The following KCTD10 variants were observed in gnomAD, a reference collection of about 807,000 sequenced individuals.
KCTD10 encodes BTB/POZ domain-containing adapter for CUL3-mediated RhoA degradation protein 3.
A neutral mutation model predicts 34.6 loss-of-function variants in KCTD10; 13 were observed. The ratio of observed to expected loss-of-function variants is 0.38; its 90% CI spans 0.24 to 0.60. KCTD10 has a LOEUF of 0.60. Among genes scored for constraint, KCTD10 ranks in the 20% least tolerant of loss-of-function variants. The pLI is 0.66. For missense variants in KCTD10, 256 were observed against 420.3 expected (o/e 0.61, Z 3.42); for synonymous variants, 156 against 168.8 (o/e 0.92, Z 0.59).
At chr12:109,459,815 G>A (rs2135654217) in intron 3 of KCTD10, among the ~76,000 whole-genome samples, 1 of 152,378 alleles carries the variant, frequency 6.6e-6, no homozygotes, top group African/African-American at 2.4e-5. Context: ...AGAATTCACA[G>A]AGGTTACTGC....
At chr12:109,455,489 T>C (rs898436395) in intron 6 of KCTD10, 1 of 152,510 alleles carries the variant, frequency 6.6e-6, no homozygotes, top group African/African-American at 2.4e-5. Context: ...TGCAGAACTG[T>C]GGCCCCAAAA....
At position 109,460,496 on chromosome 12, in the gene KCTD10, C is replaced by T. The variant is rs114195395; in HGVS notation, c.387+140G>A. On this transcript the variant is annotated intron_variant, in intron 3 of 6. Coordinates refer to ENST00000228495, the MANE Select transcript of KCTD10 (RefSeq NM_031954.5). This position sits in a 1 kb window ranked among gnomAD's most constrained non-coding sequence, Gnocchi z 4.5. ...CAGGGGTCACTCCAACCGAAGGAAT[C>T]GGGCTCCAGGGCAAACTCATTAACT... 1.6e-4 allele frequency: 146 copies of T among 889,096 alleles called. 1 individual carries two copies. In the African/African-American group the frequency reaches 1.8e-3, roughly 11 times the overall value. The allele number at this position is 889,096 out of a possible 1,614,324, so 55.1% of individuals were successfully genotyped here.
At chr12:109,458,393 G>A in intron 3 of KCTD10, 2 of 251,304 alleles carry the variant, frequency 8.0e-6, no homozygotes, top group Non-Finnish European at 1.5e-5. Context: ...TTAATCAAAA[G>A]CTCCTAAAAC....
intron 1 of KCTD10, among the ~76,000 whole-genome samples, chr12:109,473,782 CTTT>C (rs34468971): frequency 7.2e-6 from 1 of 138,670 alleles, no homozygotes; most frequent in Admixed American, 7.2e-5. Flanking sequence ...TGGAATCCTG[CTTT>C]TTTTTTTTTT....
Position 109,457,618 on chromosome 12 carries a change from C to G in KCTD10, c.527+12G>C, listed in dbSNP as rs1474364157. On this transcript the variant is annotated intron_variant, in intron 5 of 6. Transcript: ENST00000228495. ...TAGTAAATGGAGCTGTCTTTCCCGG[C>G]TGACGCCTTACCTGGTATATGAGTA... 1 of 1,613,704 alleles carries G rather than the reference C, an allele frequency of 6.2e-7. No individual in the cohort carries two copies. Among genetic ancestry groups the G allele is most frequent in the Non-Finnish European group, 8.5e-7 (1 of 1,179,558 alleles).
chr12:109,471,288 C>T, intron 1 of KCTD10: 1 of 985,400 alleles, frequency 1.0e-6, no homozygotes, highest in Non-Finnish European at 1.2e-6. Context: ...GGACAATATT[C>T]AATTCAAGGT....
intron 1 of KCTD10, among the ~76,000 whole-genome samples, chr12:109,472,401 G>GA (rs1173972679): frequency 1.3e-5 from 2 of 151,812 alleles, no homozygotes; most frequent in Non-Finnish European, 2.9e-5. Flanking sequence ...TGTCCCACTA[G>GA]AAGGTCTTCA....
At chr12:109,457,499 A>T in intron 5 of KCTD10, 131 bp downstream of exon 5, 1 of 726,716 alleles carries the variant, frequency 1.4e-6, no homozygotes, top group Non-Finnish European at 2.5e-6. Flanking sequence ...CCATCTGTCT[A>T]CTTATCTATC....
chr12:109,473,535 G>C (rs1873997337), intron 1 of KCTD10, among the ~76,000 whole-genome samples: 1 of 152,176 alleles, frequency 6.6e-6, no homozygotes, highest in Non-Finnish European at 1.5e-5. Context: ...AAAGGCAGGA[G>C]CCATCCTGAT....
chr12:109,452,157 CCA>C (rs1434974011), intron 6 of KCTD10, among the ~76,000 whole-genome samples: 5 of 152,212 alleles, frequency 3.3e-5, no homozygotes, highest in African/African-American at 9.7e-5. Flanking sequence ...AGGTGGCCCA[CCA>C]CACAGAGTTG....
At chr12:109,456,041 T>A (rs1447731852) in intron 6 of KCTD10, 77 bp downstream of exon 6, 2 of 1,348,834 alleles carry the variant, frequency 1.5e-6, no homozygotes, top group Non-Finnish European at 1.1e-6. Flanking sequence ...CCCTCTGTAT[T>A]GGGCTCAAGT....
intron 1 of KCTD10, chr12:109,471,150 C>A (rs889882663): frequency 6.1e-6 from 6 of 985,448 alleles, no homozygotes; most frequent in Non-Finnish European, 7.2e-6. Context: ...AATTGTCTAG[C>A]TTTTCCAGAT....
chr12:109,468,906 C>T, intron 2 of KCTD10, among the ~76,000 whole-genome samples: 1 of 152,168 alleles, frequency 6.6e-6, no homozygotes, highest in East Asian at 1.9e-4. Flanking sequence ...CCCGCCTCAG[C>T]TTCCCAAAGT....
rs1196172249 is a variant in KCTD10, at chr12:109,448,657, C to G, written c.*2938G>C. 4 of 152,226 alleles carry G rather than the reference C, an allele frequency of 2.6e-5. No individual in the cohort carries two copies. The highest frequency in any genetic ancestry group is 4.4e-5 in the Non-Finnish European group (3 of 68,038). 9.4% of individuals were successfully genotyped at this position (152,226 alleles called of 1,614,324 possible). On this transcript the variant is annotated 3_prime_UTR_variant, in exon 7 of 7. Coordinates refer to ENST00000228495, the MANE Select transcript of KCTD10 (RefSeq NM_031954.5). The stretch of plus-strand genomic sequence containing the variant: ...CCTGAAAAGAGCCAGAAAACAGAAG[C>G]ATTTTATGACTTTTATTTTACATGT...
intron 1 of KCTD10, 89 bp downstream of exon 1, chr12:109,477,171 C>T: frequency 1.3e-6 from 2 of 1,538,754 alleles, no homozygotes; most frequent in Non-Finnish European, 1.8e-6. Context: ...TCATCACACC[C>T]CCTCCTCTCG....
At chr12:109,453,736 A>G (rs1287765578) in intron 6 of KCTD10, among the ~76,000 whole-genome samples, 2 of 152,212 alleles carry the variant, frequency 1.3e-5, no homozygotes, top group African/African-American at 4.8e-5. Flanking sequence ...TGGCTGGCCG[A>G]TCAGAGAAGG....
intron 6 of KCTD10, among the ~76,000 whole-genome samples, chr12:109,452,675 T>C (rs950868650): frequency 6.6e-6 from 1 of 152,058 alleles, no homozygotes; most frequent in Non-Finnish European, 1.5e-5. Flanking sequence ...ACAACAGAAT[T>C]TGGAGTAATG....
rs1872689082 is a variant in KCTD10 at position 109,450,074 on chromosome 12, A to T, written c.*1521T>A. 2.5e-6 allele frequency: 1 copy of T among 392,792 alleles called. No homozygotes were observed. The highest frequency in any genetic ancestry group is 2.1e-5 in the African/African-American group (1 of 48,514). The allele number at this position is 392,792 out of a possible 1,614,324, so 24.3% of individuals were successfully genotyped here. ...GTAAGTACAAAGTCTAAGCTGTAAA[A>T]ACCGTTTGAAAATATAAACTCGTTT... is the stretch of plus-strand genomic sequence containing the variant. On this transcript the variant is annotated 3_prime_UTR_variant, in exon 7 of 7. Transcript: ENST00000228495.
chr12:109,476,260 C>T (rs1392482272), intron 1 of KCTD10, among the ~76,000 whole-genome samples: 2 of 152,198 alleles, frequency 1.3e-5, no homozygotes, highest in Admixed American at 6.5e-5. Context: ...TCTTCCCATC[C>T]GCTGGTCCTT....
Sources: allele counts gnomAD v4.1 joint callset (sites outside exome capture counted in the v4.1 genomes callset), GRCh38; gene constraint gnomAD v4.1.1; non-coding constraint Gnocchi (gnomAD v3.1); transcripts MANE v1.5; gene names NCBI Gene and HGNC (gene_info 2026-07-23, HGNC 2026-07-21).